The following XYLT1 variants were observed in gnomAD, a reference collection of about 807,000 sequenced individuals.
XYLT1 encodes the protein xylosyltransferase 1.
A neutral mutation model predicts 91.3 loss-of-function variants in XYLT1; 36 were observed. The observed-to-expected ratio is 0.39, with a 90% CI of 0.30 to 0.52. The LOEUF is 0.52. Ranked by LOEUF, XYLT1 falls within the 20% of genes least tolerant of loss-of-function variation. XYLT1 has a pLI of 0.68. For synonymous variants in XYLT1, 588 were observed against 532.0 expected (o/e 1.11, Z -1.45); for missense variants, 1,242 against 1,284.5 (o/e 0.97, Z 0.51).
chr16:17,263,342 T>C (rs1312247584), intron 2 of XYLT1, among the ~76,000 whole-genome samples: 1 of 151,988 alleles, frequency 6.6e-6, no homozygotes, highest in Non-Finnish European at 1.5e-5. Flanking sequence ...CTGGCTAATG[T>C]GTAATATCAG....
intron 2 of XYLT1, among the ~76,000 whole-genome samples, chr16:17,271,054 C>T (rs576574182): frequency 1.3e-5 from 2 of 152,216 alleles, no homozygotes; most frequent in East Asian, 3.9e-4. Context: ...GGAGAGAGAG[C>T]AGAGCCTTCC....
chr16:17,198,102 G>C (rs560705746), intron 5 of XYLT1, 110 bp downstream of exon 5: 9 of 1,120,744 alleles, frequency 8.0e-6, no homozygotes, highest in African/African-American at 6.1e-5. Context: ...TATCCTGAGC[G>C]ATCCTGTGGA....
chr16:17,177,176 TTCC>T (rs1226842891), intron 5 of XYLT1, among the ~76,000 whole-genome samples: 2 of 152,150 alleles, frequency 1.3e-5, no homozygotes, highest in Non-Finnish European at 2.9e-5. Flanking sequence ...ACCCAGTTAA[TTCC>T]TCCTCTTCTT....
At chr16:17,247,260 A>C (rs960208186) in intron 3 of XYLT1, among the ~76,000 whole-genome samples, 1 of 150,246 alleles carries the variant, frequency 6.7e-6, no homozygotes. Flanking sequence ...GCAGACACAC[A>C]ATCAGTTGTG....
rs1368594607 is a variant in XYLT1 at position 17,106,983 on chromosome 16, G to A, written c.*1712C>T. On this transcript the variant is annotated 3_prime_UTR_variant, in exon 12 of 12. Transcript: ENST00000261381. Reference sequence around the variant, plus strand: ...GAAACCGAGAGAGAGAGAGACACCAGGGGGTGGGAAAAGATGGGAAAAGGG... The same window carrying A: ...GAAACCGAGAGAGAGAGAGACACCAAGGGGTGGGAAAAGATGGGAAAAGGG... 2 of 152,184 alleles carry A rather than the reference G, an allele frequency of 1.3e-5. No individual in the cohort carries two copies. The highest frequency in any genetic ancestry group is 2.9e-5 in the Non-Finnish European group (2 of 68,060). The allele number at this position is 152,184 out of a possible 1,614,324, so 9.4% of individuals were successfully genotyped here. A position where few individuals can be genotyped will look rare whatever the true frequency, so the allele number is the denominator to read the frequency against.
chr16:17,163,269 C>A (rs746426676), intron 5 of XYLT1, among the ~76,000 whole-genome samples: 94 of 152,276 alleles, frequency 6.2e-4, no homozygotes, highest in Admixed American at 2.2e-3. Flanking sequence ...GGCCATGGCA[C>A]CATTGTGTGT....
At chr16:17,185,601 A>G (rs2032166263) in intron 5 of XYLT1, among the ~76,000 whole-genome samples, 1 of 152,194 alleles carries the variant, frequency 6.6e-6, no homozygotes, top group African/African-American at 2.4e-5. Flanking sequence ...TGTAGCTTCT[A>G]TTTATTTTTC....
intron 2 of XYLT1, among the ~76,000 whole-genome samples, chr16:17,265,696 G>A (rs1397865605): frequency 1.3e-5 from 2 of 152,060 alleles, no homozygotes; most frequent in Admixed American, 6.6e-5. Flanking sequence ...ATATGGCTCC[G>A]AGAAGCAGGT....
intron 2 of XYLT1, among the ~76,000 whole-genome samples, chr16:17,289,498 A>ACT (rs2034191280): frequency 6.6e-6 from 1 of 151,922 alleles, no homozygotes; most frequent in South Asian, 2.1e-4. Context: ...GTGTGTCTCA[A>ACT]CTCCCTGATT....
chr16:17,365,841 T>TG (rs2035447870), intron 1 of XYLT1, among the ~76,000 whole-genome samples: 1 of 152,198 alleles, frequency 6.6e-6, no homozygotes, highest in African/African-American at 2.4e-5. Context: ...TGTGTATCCT[T>TG]GAGCACAAAT....
intron 1 of XYLT1, among the ~76,000 whole-genome samples, chr16:17,379,173 TC>T (rs758323254): frequency 6.6e-6 from 1 of 152,102 alleles, no homozygotes; most frequent in East Asian, 1.9e-4. Context: ...TTTCAAATGC[TC>T]CCCGGGCAGG....
chr16:17,263,365 C>T (rs763010650), intron 2 of XYLT1, among the ~76,000 whole-genome samples: 1 of 152,034 alleles, frequency 6.6e-6, no homozygotes, highest in Non-Finnish European at 1.5e-5. Context: ...AGAGGCACCA[C>T]CATTGATTCT....
chr16:17,324,534 T>C (rs2034770964), intron 2 of XYLT1, among the ~76,000 whole-genome samples: 1 of 152,216 alleles, frequency 6.6e-6, no homozygotes, highest in African/African-American at 2.4e-5. Context: ...ATTGACTTGC[T>C]TAGGTGCCAT....
chr16:17,138,901 T>TCTGACTGA (rs978027919), intron 7 of XYLT1, among the ~76,000 whole-genome samples: 1 of 152,164 alleles, frequency 6.6e-6, no homozygotes. Flanking sequence ...GGGATTCAAG[T>TCTGACTGA]CTGACTGACT....
At chr16:17,331,003 C>T (rs192975058) in intron 2 of XYLT1, among the ~76,000 whole-genome samples, 72 of 152,272 alleles carry the variant, frequency 4.7e-4, no homozygotes, top group Middle Eastern at 3.4e-3. Context: ...GATGTTCCAC[C>T]GCCCTGCACA....
chr16:17,119,204 T>A (rs2029960480), intron 10 of XYLT1, among the ~76,000 whole-genome samples: 1 of 137,316 alleles, frequency 7.3e-6, no homozygotes, highest in Non-Finnish European at 1.6e-5. Flanking sequence ...GCTCGAGTAA[T>A]GTTTGTTGAA....
chr16:17,118,705 G>C (rs937921210), intron 10 of XYLT1, among the ~76,000 whole-genome samples: 2 of 152,074 alleles, frequency 1.3e-5, no homozygotes, highest in Admixed American at 1.3e-4. Flanking sequence ...TCTATATCCT[G>C]TAGTCAGAAA....
intron 1 of XYLT1, among the ~76,000 whole-genome samples, chr16:17,362,889 A>C (rs2035403018): frequency 1.3e-5 from 2 of 152,224 alleles, no homozygotes. Flanking sequence ...CACCAAATCA[A>C]CAACATAGAC....
At chr16:17,118,303 A>AATGAATGAATGC (rs1490467313) in intron 10 of XYLT1, among the ~76,000 whole-genome samples, 2 of 152,028 alleles carry the variant, frequency 1.3e-5, no homozygotes, top group South Asian at 2.1e-4. Context: ...TGAATGAATG[A>AATGAATGAATGC]ATGCATGTCT....
Sources: gnomAD v4.1 joint callset for allele counts (sites outside exome capture counted in the v4.1 genomes callset) on GRCh38, gnomAD v4.1.1 for gene constraint, MANE v1.5 for transcripts, NCBI Gene and HGNC (gene_info 2026-07-23, HGNC 2026-07-21) for gene names.